The following CTNNA2 variants were observed in gnomAD, a reference collection of about 807,000 sequenced individuals.
CTNNA2 encodes the protein catenin alpha 2.
A neutral mutation model predicts 101.0 loss-of-function variants in CTNNA2; 42 were observed. The observed-to-expected ratio is 0.42, with a 90% CI of 0.32 to 0.54. CTNNA2 has a LOEUF of 0.54. CTNNA2 is among the 20% of genes least tolerant of loss of function. The pLI, the probability that CTNNA2 is intolerant of heterozygous loss-of-function variation, is 0.14. For synonymous variants in CTNNA2, 450 were observed against 456.4 expected (o/e 0.99, Z 0.18); for missense variants, 871 against 1,223.1 (o/e 0.71, Z 4.29).
intron 7 of CTNNA2, among the ~76,000 whole-genome samples, chr2:80,026,798 A>G (rs1694959031): frequency 6.6e-6 from 1 of 152,202 alleles, no homozygotes; most frequent in Non-Finnish European, 1.5e-5. Context: ...TCACTATTTA[A>G]AACAGTATTC....
intron 2 of CTNNA2, among the ~76,000 whole-genome samples, chr2:79,287,437 T>A (rs1675636316): frequency 6.6e-6 from 1 of 152,198 alleles, no homozygotes. Context: ...GTTTTTGGTG[T>A]GGATGTCCTT....
chr2:79,996,976 A>T (rs145337100), intron 7 of CTNNA2, among the ~76,000 whole-genome samples: 13 of 152,200 alleles, frequency 8.5e-5, no homozygotes, highest in African/African-American at 2.9e-4. Flanking sequence ...GCCCTAGCGG[A>T]TGGGAAAGAA....
intron 1 of CTNNA2, among the ~76,000 whole-genome samples, chr2:79,575,268 C>A (rs1432427187): frequency 6.6e-6 from 1 of 152,102 alleles, no homozygotes; most frequent in Non-Finnish European, 1.5e-5. Flanking sequence ...ATTCCTCATG[C>A]CTGTGTCTGC....
In CTNNA2 at chr2:79,542,184, C is replaced by T. The variant is rs114248737; in HGVS notation, c.-6+28977C>T. On this transcript the variant is annotated intron_variant, in intron 1 of 18. Coordinates refer to ENST00000402739, the MANE Select transcript of CTNNA2 (RefSeq NM_001282597.3). The stretch of plus-strand genomic sequence containing the variant: ...GCCAAGATAACCTGAAGGGTTTTGT[C>T]TGGCTGCTGCAATTTCCTACTGCCA... Among the ~76,000 whole-genome samples, 901 of 152,230 alleles carry T rather than the reference C, an allele frequency of 5.9e-3. 2 individuals carry two copies. The highest frequency in any genetic ancestry group is 9.8e-3 in the Non-Finnish European group (668 of 68,022).
intron 17 of CTNNA2, among the ~76,000 whole-genome samples, chr2:80,612,458 T>C (rs1698542570): frequency 6.6e-6 from 1 of 151,606 alleles, no homozygotes; most frequent in Admixed American, 6.6e-5. Flanking sequence ...ATTGATTTGA[T>C]ATTTACTCTT....
At chr2:80,446,841 C>T (rs1404849478) in intron 9 of CTNNA2, among the ~76,000 whole-genome samples, 1 of 151,972 alleles carries the variant, frequency 6.6e-6, no homozygotes, top group Non-Finnish European at 1.5e-5. Flanking sequence ...ATCTTTATTC[C>T]TATTTTTTGG....
chr2:80,629,859 A>C (rs1376633557), intron 18 of CTNNA2, among the ~76,000 whole-genome samples: 1 of 152,178 alleles, frequency 6.6e-6, no homozygotes, highest in Non-Finnish European at 1.5e-5. Flanking sequence ...CTAGATGAGA[A>C]CCATAGGACT....
intron 2 of CTNNA2, among the ~76,000 whole-genome samples, chr2:79,279,617 T>A (rs556329983): frequency 6.6e-4 from 101 of 152,212 alleles, no homozygotes; most frequent in African/African-American, 2.3e-3. Context: ...CAAAGACATC[T>A]TTAAAGGAAA....
intron 4 of CTNNA2, among the ~76,000 whole-genome samples, chr2:79,454,096 A>G (rs1670787303): frequency 6.6e-6 from 1 of 152,172 alleles, no homozygotes; most frequent in Non-Finnish European, 1.5e-5. Context: ...GGTCATAGAC[A>G]TGACCGAAAG....
At chr2:79,601,173 A>C (rs1478891425) in intron 1 of CTNNA2, among the ~76,000 whole-genome samples, 1 of 152,230 alleles carries the variant, frequency 6.6e-6, no homozygotes, top group Non-Finnish European at 1.5e-5. Flanking sequence ...AAAAGCCTTG[A>C]AATGTACATT....
At chr2:80,176,592 C>T (rs1705410981) in intron 7 of CTNNA2, among the ~76,000 whole-genome samples, 1 of 152,172 alleles carries the variant, frequency 6.6e-6, no homozygotes, top group Non-Finnish European at 1.5e-5. Flanking sequence ...ACCTTCATTC[C>T]TGTAGGGTCT....
At chr2:79,724,098 T>G (rs926388644) in intron 2 of CTNNA2, among the ~76,000 whole-genome samples, 1 of 152,180 alleles carries the variant, frequency 6.6e-6, no homozygotes, top group Admixed American at 6.5e-5. Flanking sequence ...TGTTGACACT[T>G]GAGAAGCTGG....
At position 79,911,316 on chromosome 2, in the gene CTNNA2, C is replaced by T. The variant is rs112096325; in HGVS notation, c.1056+1519C>T. ...TGGAATTTGGTTTTACATTAAGGCA[C>T]GCTAGTGGTTCTATTAATGAATAGT... On this transcript the variant is annotated intron_variant, in intron 7 of 18. Coordinates refer to ENST00000402739, the MANE Select transcript of CTNNA2 (RefSeq NM_001282597.3). 6.0e-3 allele frequency among the ~76,000 whole-genome samples: 913 copies of T among 152,230 alleles called. 11 individuals are homozygous for T. The highest frequency in any genetic ancestry group is 0.019 in the African/African-American group (784 of 41,504).
At chr2:79,329,023 T>A (rs1676811050) in intron 3 of CTNNA2, among the ~76,000 whole-genome samples, 1 of 152,192 alleles carries the variant, frequency 6.6e-6, no homozygotes, top group Admixed American at 6.5e-5. Context: ...TCTCTACTTA[T>A]GAGGACACTA....
rs766388606 is a variant in CTNNA2, at chr2:80,303,289, G to A, written c.1057-89922G>A. 18 of 1,613,442 alleles carry A rather than the reference G, an allele frequency of 1.1e-5. No homozygotes were observed. The highest frequency in any genetic ancestry group is 6.7e-5 in the East Asian group (3 of 44,858). ...TGCGGCAGTCCTGGAAGATGCGCAC[G>A]GGCACAAACTGGATGGCGTTGGCCC... is the stretch of plus-strand genomic sequence containing the variant. On this transcript the variant is annotated intron_variant, in intron 7 of 18. Coordinates refer to ENST00000402739, the MANE Select transcript of CTNNA2 (RefSeq NM_001282597.3). This position sits in a 1 kb window ranked among gnomAD's most constrained non-coding sequence, Gnocchi z 7.7.
At chr2:79,741,440 A>C (rs1428481393) in intron 2 of CTNNA2, among the ~76,000 whole-genome samples, 1 of 152,150 alleles carries the variant, frequency 6.6e-6, no homozygotes, top group African/African-American at 2.4e-5. Flanking sequence ...TGCTAATTGT[A>C]GAATAAACTG....
At chr2:79,934,739 A>C (rs1235660098) in intron 7 of CTNNA2, among the ~76,000 whole-genome samples, 1 of 152,166 alleles carries the variant, frequency 6.6e-6, no homozygotes, top group Non-Finnish European at 1.5e-5. Context: ...GCTCTTCCTC[A>C]TTTCCCCCCA....
At chr2:80,164,034 T>C (rs1704505452) in intron 7 of CTNNA2, among the ~76,000 whole-genome samples, 1 of 151,710 alleles carries the variant, frequency 6.6e-6, no homozygotes, top group African/African-American at 2.4e-5. Flanking sequence ...TTCTACTTCC[T>C]ATATTATTAT....
At chr2:79,325,928 T>A (rs1396361369) in intron 3 of CTNNA2, among the ~76,000 whole-genome samples, 1 of 152,166 alleles carries the variant, frequency 6.6e-6, no homozygotes, top group Non-Finnish European at 1.5e-5. Context: ...GTGTGAAATG[T>A]TTAGAGAGAC....
Sources: gnomAD v4.1 joint callset for allele counts (sites outside exome capture counted in the v4.1 genomes callset) on GRCh38, gnomAD v4.1.1 for gene constraint, Gnocchi (gnomAD v3.1) non-coding constraint, MANE v1.5 for transcripts, NCBI Gene and HGNC (gene_info 2026-07-23, HGNC 2026-07-21) for gene names.